Variants in CARF observed in about 807,000 individuals in gnomAD.
CARF encodes the protein calcium-responsive transcription factor.
Under a neutral mutation model 82.0 loss-of-function variants are expected in CARF, and 57 were observed. That is an observed-to-expected ratio of 0.70 (90% CI 0.56 to 0.87). CARF has a LOEUF of 0.87. CARF is among the 40% of genes least tolerant of loss of function. The pLI is 0.00. For synonymous variants in CARF, 268 were observed against 290.1 expected, an observed-to-expected ratio of 0.92 and a Z score of 0.77; for missense variants, 771 against 855.8, an observed-to-expected ratio of 0.90 and a Z score of 1.24.
At chr2:202,977,564 A>AG (rs1291608263) in intron 14 of CARF, among the ~76,000 whole-genome samples, 1 of 152,214 alleles carries the variant, frequency 6.6e-6, no homozygotes, top group African/African-American at 2.4e-5. Flanking sequence ...TAACTAGCAC[A>AG]GTTAACTGTA....
intron 11 of CARF, 116 bp downstream of exon 11, chr2:202,970,178 G>A: frequency 2.1e-6 from 2 of 957,970 alleles, no homozygotes; most frequent in South Asian, 3.5e-5. Flanking sequence ...GGTTTTATAA[G>A]GTAGAGATAT....
At chr2:202,947,658 C>T (rs1026902519) in intron 5 of CARF, among the ~76,000 whole-genome samples, 1 of 151,830 alleles carries the variant, frequency 6.6e-6, no homozygotes, top group South Asian at 2.1e-4. Flanking sequence ...AAACAAAAAA[C>T]CAGAAATGTC....
intron 3 of CARF, among the ~76,000 whole-genome samples, chr2:202,937,732 C>G (rs549156196): frequency 6.6e-6 from 1 of 151,978 alleles, no homozygotes; most frequent in Admixed American, 6.6e-5. Context: ...TCAAATGATT[C>G]TCTTGCCCCA....
At chr2:202,933,924 CTT>C (rs561652978) in intron 3 of CARF, among the ~76,000 whole-genome samples, 114 of 151,916 alleles carry the variant, frequency 7.5e-4, no homozygotes, top group Non-Finnish European at 1.4e-3. Context: ...GGGAACACAG[CTT>C]TCTTTCCTAA....
At chr2:202,968,657 A>G (rs2059652301) in intron 10 of CARF, among the ~76,000 whole-genome samples, 1 of 152,014 alleles carries the variant, frequency 6.6e-6, no homozygotes, top group Admixed American at 6.6e-5. Context: ...AAATAATTTT[A>G]TTTTCCATCA....
At chr2:202,918,468 C>G (rs1219473249) in intron 2 of CARF, among the ~76,000 whole-genome samples, 2 of 152,004 alleles carry the variant, frequency 1.3e-5, no homozygotes, top group African/African-American at 4.8e-5. Flanking sequence ...TTGCAGTGAG[C>G]CGAGAGCTTG....
chr2:202,945,463 C>A (rs1373851319), intron 5 of CARF, among the ~76,000 whole-genome samples: 1 of 152,156 alleles, frequency 6.6e-6, no homozygotes, highest in East Asian at 1.9e-4. Context: ...CTCTCCCTCC[C>A]ACCCTCCACT....
intron 5 of CARF, among the ~76,000 whole-genome samples, chr2:202,947,783 T>C (rs2058568773): frequency 6.6e-6 from 1 of 152,238 alleles, no homozygotes; most frequent in African/African-American, 2.4e-5. Flanking sequence ...TTTGCAGATA[T>C]TTTCTCCCAT....
chr2:202,916,871 C>T (rs1479193203), intron 1 of CARF, among the ~76,000 whole-genome samples: 1 of 152,166 alleles, frequency 6.6e-6, no homozygotes, highest in African/African-American at 2.4e-5. Flanking sequence ...CTCTGCCATA[C>T]ATTCACTGTC....
intron 1 of CARF, among the ~76,000 whole-genome samples, chr2:202,917,074 A>G (rs910741155): frequency 3.0e-4 from 46 of 151,156 alleles, no homozygotes; most frequent in East Asian, 3.9e-4. Context: ...AGCCGGGCGT[A>G]GTGGCGGGCG....
chr2:202,933,062 A>G (rs916174465), intron 3 of CARF, among the ~76,000 whole-genome samples: 2 of 152,156 alleles, frequency 1.3e-5, no homozygotes, highest in Non-Finnish European at 2.9e-5. Context: ...CTGGAGAGGC[A>G]TGACTGCTCT....
chr2:202,938,644 G>C (rs1312288644), intron 3 of CARF, among the ~76,000 whole-genome samples: 2 of 105,528 alleles, frequency 1.9e-5, no homozygotes, highest in Non-Finnish European at 4.3e-5. Flanking sequence ...GGGGTTTTGT[G>C]GGGGGGTTTT....
At chr2:202,941,755 A>G (rs2058239695) in intron 3 of CARF, 105 bp from the exon 4 acceptor site, 2 of 527,938 alleles carry the variant, frequency 3.8e-6, no homozygotes, top group African/African-American at 3.9e-5. Context: ...TTTTACCTAA[A>G]TTATATAGGG....
In CARF at chr2:202,977,311, A is replaced by G. The variant is rs373652879; in HGVS notation, c.1537A>G (p.Met513Val). 75 of 1,612,396 alleles carry G rather than the reference A, an allele frequency of 4.7e-5. No homozygotes were observed. Among genetic ancestry groups the G allele is most frequent in the Non-Finnish European group, 6.1e-5 (72 of 1,178,936 alleles). Reference protein sequence around the residue: ...TDSGNILKETMTVTFAEGNSP... With the variant: ...TDSGNILKETVTVTFAEGNSP... ...CAGTGGGAATATTCTCAAAGAGACC[A>G]TGACAGTTACATTTGCAGAAGGTAG... The change falls in exon 14 of 17, where the codon ATG becomes GTG. Residue 513 changes from methionine (M) to valine (V), a missense_variant. Transcript: ENST00000438828.
chr2:202,963,743 G>A (rs1222063090), intron 9 of CARF, among the ~76,000 whole-genome samples: 1 of 152,184 alleles, frequency 6.6e-6, no homozygotes, highest in Non-Finnish European at 1.5e-5. Flanking sequence ...TCAGGCATTA[G>A]ATTCTGATAG....
At chr2:202,981,067 TTATCTG>T (rs1203232825) in intron 14 of CARF, among the ~76,000 whole-genome samples, 1 of 152,272 alleles carries the variant, frequency 6.6e-6, no homozygotes, top group East Asian at 1.9e-4. Flanking sequence ...GAGATTCTTA[TTATCTG>T]CCAGGTTCTG....
At chr2:202,981,159 C>T (rs1423467478) in intron 14 of CARF, among the ~76,000 whole-genome samples, 1 of 152,208 alleles carries the variant, frequency 6.6e-6, no homozygotes, top group Non-Finnish European at 1.5e-5. Flanking sequence ...AATTTTTCCA[C>T]AGACCCAGGG....
chr2:202,973,677 G>A (rs1410096386), intron 12 of CARF: 1 of 257,952 alleles, frequency 3.9e-6, no homozygotes, highest in Non-Finnish European at 7.7e-6. Context: ...GTATGTCGTT[G>A]ATCATTAAGG....
intron 5 of CARF, among the ~76,000 whole-genome samples, chr2:202,943,993 C>T (rs2058370846): frequency 6.6e-6 from 1 of 152,140 alleles, no homozygotes; most frequent in African/African-American, 2.4e-5. Context: ...CTGCAAGCCA[C>T]TTTCTGGTAT....
Sources: allele counts gnomAD v4.1 joint callset (sites outside exome capture counted in the v4.1 genomes callset), GRCh38; gene constraint gnomAD v4.1.1; transcripts MANE v1.5; gene names NCBI Gene and HGNC (gene_info 2026-07-23, HGNC 2026-07-21).